Variants in ADAMTS17 observed in about 807,000 individuals in gnomAD.
ADAMTS17 encodes the protein ADAM metallopeptidase with thrombospondin type 1 motif 17.
ADAMTS17 carries 113 observed loss-of-function variants against 141.5 expected under a neutral mutation model. The observed-to-expected ratio is 0.80, with a 90% CI of 0.69 to 0.93. The LOEUF is 0.93. Among genes scored for constraint, ADAMTS17 ranks in the 40% least tolerant of loss-of-function variants. ADAMTS17 has a pLI of 0.00. For synonymous variants in ADAMTS17, 768 were observed against 630.6 expected (o/e 1.22, Z -3.27); for missense variants, 1,659 against 1,517.9 (o/e 1.09, Z -1.54).
chr15:100,146,065 C>G (rs1038950487), intron 10 of ADAMTS17, among the ~76,000 whole-genome samples: 2 of 152,130 alleles, frequency 1.3e-5, no homozygotes, highest in Admixed American at 6.5e-5. Context: ...CACAGCTACT[C>G]GGGAGGCTGA....
intron 7 of ADAMTS17, among the ~76,000 whole-genome samples, chr15:100,218,074 T>C (rs2042023589): frequency 6.6e-6 from 1 of 152,072 alleles, no homozygotes; most frequent in African/African-American, 2.4e-5. Context: ...GGTTTCACCA[T>C]GTTGCCCAGG....
intron 7 of ADAMTS17, among the ~76,000 whole-genome samples, chr15:100,213,998 T>C (rs1414401577): frequency 6.6e-6 from 1 of 152,240 alleles, no homozygotes; most frequent in African/African-American, 2.4e-5. Flanking sequence ...GAGAAGGCCC[T>C]GAAAGTGAGG....
rs563526392 is a variant in ADAMTS17 at position 100,295,151 on chromosome 15, T to C, written c.617-13750A>G. Among the ~76,000 whole-genome samples, 131 of 152,332 alleles carry C rather than the reference T, an allele frequency of 8.6e-4. No homozygotes were observed. In the Middle Eastern group the frequency reaches 0.01, roughly 12 times the overall value. On this transcript the variant is annotated intron_variant, in intron 3 of 21. Coordinates refer to ENST00000268070, the MANE Select transcript of ADAMTS17 (RefSeq NM_139057.4). ...AGCATGGGATATAATCAAAATATCT[T>C]CAGACTGAGGTTCAGGAGCCCTAGA...
rs2142001489 is a variant in ADAMTS17 at position 100,341,954 on chromosome 15, A to AGGC, written c.-58_-56dup. 1.3e-6 allele frequency: 2 copies of AGGC among 1,541,854 alleles called. No individual in the cohort carries two copies. Among genetic ancestry groups the AGGC allele is most frequent in the South Asian group, 2.4e-5 (2 of 83,820 alleles). On this transcript the variant is annotated 5_prime_UTR_variant, in exon 1 of 22. Coordinates refer to ENST00000268070, the MANE Select transcript of ADAMTS17 (RefSeq NM_139057.4). ...CGTGGCGGCGAAGCAGGAGCGCGCT[A>AGGC]GGCGGCGGCGCCAGCCGGAGTGAAG...
intron 6 of ADAMTS17, among the ~76,000 whole-genome samples, chr15:100,260,977 G>A (rs1238451352): frequency 1.3e-5 from 2 of 152,160 alleles, no homozygotes; most frequent in Non-Finnish European, 2.9e-5. Context: ...AAAAATCAGT[G>A]TTCTCAAAGA....
At chr15:100,199,789 T>C (rs1280822479) in intron 7 of ADAMTS17, among the ~76,000 whole-genome samples, 1 of 152,190 alleles carries the variant, frequency 6.6e-6, no homozygotes, top group Non-Finnish European at 1.5e-5. Context: ...ACGCCAGATC[T>C]GTCTAACTTC....
At chr15:100,122,805 C>T (rs2037515784) in intron 12 of ADAMTS17, among the ~76,000 whole-genome samples, 1 of 152,162 alleles carries the variant, frequency 6.6e-6, no homozygotes, top group South Asian at 2.1e-4. Flanking sequence ...ATCATCTTCA[C>T]ATTGAGTTGG....
At chr15:100,227,054 C>G (rs921169790) in intron 7 of ADAMTS17, among the ~76,000 whole-genome samples, 4 of 152,202 alleles carry the variant, frequency 2.6e-5, no homozygotes, top group Admixed American at 1.3e-4. Context: ...TGGGCCTCTC[C>G]TGGCTCTCCT....
chr15:100,180,153 AG>A (rs1443928125), intron 8 of ADAMTS17, among the ~76,000 whole-genome samples: 5 of 152,188 alleles, frequency 3.3e-5, no homozygotes, highest in Middle Eastern at 6.8e-3. Flanking sequence ...TCATAGTTTG[AG>A]GTCTTAGATT....
chr15:100,301,774 T>C (rs2045047177), intron 3 of ADAMTS17, among the ~76,000 whole-genome samples: 1 of 152,186 alleles, frequency 6.6e-6, no homozygotes. Flanking sequence ...TGATTTTCCC[T>C]TTTGAATAAG....
intron 15 of ADAMTS17, among the ~76,000 whole-genome samples, chr15:100,057,125 C>T (rs189877557): frequency 7.3e-4 from 111 of 151,848 alleles, no homozygotes; most frequent in African/African-American, 2.0e-3. Context: ...CAGTTCTGGG[C>T]GGGGTGATGG....
intron 7 of ADAMTS17, among the ~76,000 whole-genome samples, chr15:100,240,730 A>T (rs1414801049): frequency 6.6e-6 from 1 of 152,182 alleles, no homozygotes; most frequent in East Asian, 1.9e-4. Flanking sequence ...CTTTGTCAAG[A>T]CGCGGTATAA....
intron 7 of ADAMTS17, among the ~76,000 whole-genome samples, chr15:100,240,641 C>G (rs141756138): frequency 6.6e-6 from 1 of 152,192 alleles, no homozygotes; most frequent in Non-Finnish European, 1.5e-5. Context: ...GCAGTTCCCC[C>G]ACAGCTGACC....
chr15:100,101,385 C>T (rs1418857754), intron 14 of ADAMTS17, among the ~76,000 whole-genome samples: 1 of 152,236 alleles, frequency 6.6e-6, no homozygotes, highest in Admixed American at 6.5e-5. Context: ...CTAATGAAAG[C>T]CCAGCACACA....
At chr15:100,057,795 C>T (rs1271570853) in intron 15 of ADAMTS17, among the ~76,000 whole-genome samples, 9 of 152,078 alleles carry the variant, frequency 5.9e-5, no homozygotes, top group Non-Finnish European at 1.3e-4. Context: ...ATCTACCAGC[C>T]CACAGGAAGA....
rs148256477 is a variant in ADAMTS17, at chr15:100,223,398, A to T, written c.1076-23975T>A. Among the ~76,000 whole-genome samples, 683 of 152,312 alleles carry T rather than the reference A, an allele frequency of 4.5e-3. 4 individuals carry two copies. The highest frequency in any genetic ancestry group is 0.015 in the African/African-American group (629 of 41,558). ...ACAAAACATGTTTGAGACCAGATGCAGCCTGAGTAACTAGTTTGCTACTTC... is the reference window on the plus strand; with the variant it reads ...ACAAAACATGTTTGAGACCAGATGCTGCCTGAGTAACTAGTTTGCTACTTC... On this transcript the variant is annotated intron_variant, in intron 7 of 21. Transcript: ENST00000268070.
At chr15:100,032,363 C>G (rs2030260719) in intron 18 of ADAMTS17, among the ~76,000 whole-genome samples, 1 of 152,210 alleles carries the variant, frequency 6.6e-6, no homozygotes, top group African/African-American at 2.4e-5. Flanking sequence ...TCATATTGAA[C>G]CCCTTATGTT....
In ADAMTS17 at chr15:99,997,830, C is replaced by A. The variant is rs138295597; in HGVS notation, c.2592-241G>T. Among the ~76,000 whole-genome samples the A allele has an allele frequency of 5.9e-5, 9 of 152,184 alleles. No individual in the cohort carries two copies. The highest frequency in any genetic ancestry group is 5.2e-4 in the Admixed American group (8 of 15,282). ...CATCTTTCTGCAACCAACACCCCTA[C>A]GGCAGACAGAATTATCTGGTCACGG... On this transcript the variant is annotated intron_variant, in intron 18 of 21. Coordinates refer to ENST00000268070, the MANE Select transcript of ADAMTS17 (RefSeq NM_139057.4). The surrounding 1 kb of genome is among the most constrained non-coding windows in gnomAD (Gnocchi z 4.7).
intron 10 of ADAMTS17, among the ~76,000 whole-genome samples, chr15:100,151,506 C>T (rs1023905965): frequency 4.6e-5 from 7 of 152,144 alleles, no homozygotes; most frequent in African/African-American, 1.7e-4. Flanking sequence ...GTGCTGCTCC[C>T]GAGTGCTTGC....
Sources: allele counts gnomAD v4.1 joint callset (sites outside exome capture counted in the v4.1 genomes callset), GRCh38; gene constraint gnomAD v4.1.1; non-coding constraint Gnocchi (gnomAD v3.1); transcripts MANE v1.5; gene names NCBI Gene and HGNC (gene_info 2026-07-23, HGNC 2026-07-21).